Variants in LCORL observed in about 807,000 individuals in gnomAD.
The protein encoded by LCORL is ligand-dependent nuclear receptor corepressor-like protein.
LCORL carries 41 observed loss-of-function variants against 141.8 expected under a neutral mutation model. The observed-to-expected ratio is 0.29, with a 90% CI of 0.23 to 0.38. The LOEUF (loss-of-function observed/expected upper bound fraction) is 0.38, where lower values mean the gene tolerates loss of function less well. Ranked by LOEUF, LCORL falls within the 10% of genes least tolerant of loss-of-function variation. LCORL has a pLI of 1.00. For synonymous variants in LCORL, 618 were observed against 694.1 expected (o/e 0.89, Z 1.72); for missense variants, 1,759 against 2,035.0 (o/e 0.86, Z 2.61).
At chr4:17,945,064 C>A (rs940855088) in intron 4 of LCORL, among the ~76,000 whole-genome samples, 2 of 151,990 alleles carry the variant, frequency 1.3e-5, no homozygotes, top group African/African-American at 4.8e-5. Context: ...TAATCACACC[C>A]TCTGCAAGAA....
chr4:17,993,528 C>T (rs2109787973), intron 1 of LCORL, among the ~76,000 whole-genome samples: 1 of 151,422 alleles, frequency 6.6e-6, no homozygotes. Context: ...ATACCTATGT[C>T]TACAAATTGA....
At position 17,977,340 on chromosome 4, in the gene LCORL, A is replaced by G. The variant is rs73100911; in HGVS notation, c.155-4455T>C. 3.9e-3 allele frequency among the ~76,000 whole-genome samples: 589 copies of G among 152,254 alleles called. 3 individuals carry two copies. The highest frequency in any genetic ancestry group is 0.014 in the African/African-American group (564 of 41,574). On this transcript the variant is annotated intron_variant, in intron 1 of 7. Coordinates refer to ENST00000635767, the Ensembl canonical transcript of LCORL. ...AACTGTTTTCAAAGTTATTGTTATCATTTTACATTTCTGCCATCTGCCATC... is the reference window on the plus strand; with the variant it reads ...AACTGTTTTCAAAGTTATTGTTATCGTTTTACATTTCTGCCATCTGCCATC...
At chr4:17,923,801 G>A (rs1476457128) in intron 4 of LCORL, among the ~76,000 whole-genome samples, 1 of 152,056 alleles carries the variant, frequency 6.6e-6, no homozygotes, top group Non-Finnish European at 1.5e-5. Flanking sequence ...ATCCCAGCTG[G>A]GAGGGTCCAG....
At chr4:17,892,203 T>TTC (rs201471504) in intron 5 of LCORL, among the ~76,000 whole-genome samples, 8,994 of 150,096 alleles carry the variant, frequency 0.06, 548 homozygotes, top group African/African-American at 0.15. Flanking sequence ...TAGTATTTTT[T>TTC]TTTTTCTTTT....
intron 6 of LCORL, chr4:17,880,688 G>A: frequency 1.0e-6 from 1 of 973,972 alleles, no homozygotes. Context: ...CAAAAGCATT[G>A]AAGTGCTTTA....
intron 6 of LCORL, chr4:17,883,037 T>TA (rs1727785423): frequency 1.0e-6 from 1 of 978,346 alleles, no homozygotes; most frequent in South Asian, 4.7e-5. Flanking sequence ...GTCAGTTTTT[T>TA]TAAAGTATAT....
intron 1 of LCORL, among the ~76,000 whole-genome samples, chr4:18,011,300 A>AT (rs1416282651): frequency 1.3e-5 from 2 of 152,156 alleles, no homozygotes; most frequent in African/African-American, 2.4e-5. Flanking sequence ...CCCAGTTTTG[A>AT]TTTAAAAGGG....
chr4:17,981,063 A>C (rs1340360067), intron 1 of LCORL, among the ~76,000 whole-genome samples: 3 of 152,116 alleles, frequency 2.0e-5, no homozygotes, highest in African/African-American at 4.8e-5. Context: ...GACTAATTAC[A>C]CTATAGAGTT....
chr4:17,978,527 T>C (rs1717397496), intron 1 of LCORL, among the ~76,000 whole-genome samples: 1 of 151,058 alleles, frequency 6.6e-6, no homozygotes, highest in Non-Finnish European at 1.5e-5. Flanking sequence ...GAGCCAGAAA[T>C]TGGAGTCTGA....
rs543535390 is a variant in LCORL, at chr4:17,858,142, C to T, written c.5603-12241G>A. Among the ~76,000 whole-genome samples the T allele has an allele frequency of 1.7e-4, 26 of 152,112 alleles. No homozygotes were observed. In the South Asian group the frequency reaches 3.7e-3, roughly 22 times the overall value. On this transcript the variant is annotated intron_variant, in intron 7 of 7. Coordinates refer to ENST00000635767, the Ensembl canonical transcript of LCORL. ...CAAGAAGTTGAAGAAAGCATGAGCA[C>T]GACGTGGACAAATATGGTAGATATA...
At chr4:18,015,429 G>C (rs958033422) in intron 1 of LCORL, among the ~76,000 whole-genome samples, 6 of 152,130 alleles carry the variant, frequency 3.9e-5, no homozygotes, top group African/African-American at 1.4e-4. Flanking sequence ...CAAGAGTACA[G>C]AGAACTTCAA....
intron 4 of LCORL, among the ~76,000 whole-genome samples, chr4:17,926,372 G>GA: frequency 6.6e-6 from 1 of 152,338 alleles, no homozygotes; most frequent in East Asian, 1.9e-4. Context: ...GCGGAATGTG[G>GA]AAAAATTAGT....
chr4:17,872,680 T>C (rs1726490590), intron 7 of LCORL, among the ~76,000 whole-genome samples: 2 of 152,172 alleles, frequency 1.3e-5, no homozygotes, highest in African/African-American at 4.8e-5. Flanking sequence ...CAATAACTTG[T>C]ATATGATTCT....
rs1725576239 is a variant in LCORL at position 18,021,490 on chromosome 4, G to T, written c.154+108C>A. On this transcript the variant is annotated intron_variant, in intron 1 of 7. Transcript: ENST00000635767. The surrounding 1 kb of genome is among the most constrained non-coding windows in gnomAD (Gnocchi z 5.5). Reference sequence around the variant, plus strand: ...GCCGCTCCCATCTCGCTCCCCCACCGAACTAACCCGAACGGGAGATTCAAC... The same window carrying T: ...GCCGCTCCCATCTCGCTCCCCCACCTAACTAACCCGAACGGGAGATTCAAC... 5.2e-6 allele frequency: 5 copies of T among 962,610 alleles called. No homozygotes were observed. Among genetic ancestry groups the T allele is most frequent in the South Asian group, 3.7e-5 (2 of 53,456 alleles). 59.6% of individuals were successfully genotyped at this position (962,610 alleles called of 1,614,324 possible).
intron 4 of LCORL, among the ~76,000 whole-genome samples, chr4:17,914,467 T>C (rs751514942): frequency 6.6e-6 from 1 of 152,212 alleles, no homozygotes; most frequent in Non-Finnish European, 1.5e-5. Context: ...CTCTGTTTTA[T>C]TCACCCACTC....
At chr4:17,851,329 G>A (rs575872591) in intron 7 of LCORL, among the ~76,000 whole-genome samples, 10 of 151,924 alleles carry the variant, frequency 6.6e-5, no homozygotes, top group East Asian at 3.9e-4. Context: ...GAAGTCTATC[G>A]GTGCTCCAAG....
intron 1 of LCORL, among the ~76,000 whole-genome samples, chr4:18,003,820 T>G (rs1029356233): frequency 6.6e-6 from 1 of 152,220 alleles, no homozygotes; most frequent in Non-Finnish European, 1.5e-5. Flanking sequence ...CAAATAACAT[T>G]TGTTATTAAA....
chr4:17,976,677 G>A (rs929491819), intron 1 of LCORL, among the ~76,000 whole-genome samples: 1 of 152,012 alleles, frequency 6.6e-6, no homozygotes, highest in Non-Finnish European at 1.5e-5. Context: ...AGATCTACTA[G>A]CTACCATTTT....
chr4:17,966,204 T>C (rs1014087114), intron 2 of LCORL, among the ~76,000 whole-genome samples: 6 of 152,050 alleles, frequency 3.9e-5, no homozygotes, highest in Admixed American at 6.6e-5. Flanking sequence ...CTTAAAAAAC[T>C]AGGATCAGCT....
Sources: gnomAD v4.1 joint callset for allele counts (sites outside exome capture counted in the v4.1 genomes callset) on GRCh38, gnomAD v4.1.1 for gene constraint, Gnocchi (gnomAD v3.1) non-coding constraint, MANE v1.5 for transcripts, NCBI Gene and HGNC (gene_info 2026-07-23, HGNC 2026-07-21) for gene names.